The following MYCBP2 variants were observed in gnomAD, a reference collection of about 807,000 sequenced individuals.
MYCBP2 encodes E3 ubiquitin-protein ligase MYCBP2.
In MYCBP2, 120 loss-of-function variants were observed where a neutral mutation model predicts 525.3. That is an observed-to-expected ratio of 0.23 (90% CI 0.20 to 0.27). The LOEUF (loss-of-function observed/expected upper bound fraction) is 0.27, where lower values mean the gene tolerates loss of function less well. MYCBP2 is among the 10% of genes least tolerant of loss of function. The pLI, the probability that MYCBP2 is intolerant of heterozygous loss-of-function variation, is 1.00. For missense variants in MYCBP2, 4,149 were observed against 5,657.1 expected (o/e 0.73, Z 8.55); for synonymous variants, 1,894 against 1,955.8 (o/e 0.97, Z 0.83).
rs971612025 is a variant in MYCBP2 at position 77,217,979 on chromosome 13, T to C, written c.2940-22A>G. On this transcript the variant is annotated intron_variant, in intron 20 of 82. Transcript: ENST00000544440. ...TCCCCTAGGTTAAAAAAAAAAAAAG[T>C]AAGTCAATTTCTTACAAAACTCAAC... 1.7e-5 allele frequency: 23 copies of C among 1,336,526 alleles called. No homozygotes were observed. The East Asian group carries it at 5.2e-4, about 30-fold the overall frequency. 82.8% of individuals were successfully genotyped at this position (1,336,526 alleles called of 1,614,324 possible). A position where few individuals can be genotyped will look rare whatever the true frequency, so the allele number is the denominator to read the frequency against.
intron 56 of MYCBP2, among the ~76,000 whole-genome samples, chr13:77,097,051 G>C (rs910294970): frequency 6.6e-6 from 1 of 152,176 alleles, no homozygotes; most frequent in African/African-American, 2.4e-5. Flanking sequence ...AATCAAAGGA[G>C]ATGCCCTGTG....
intron 32 of MYCBP2, among the ~76,000 whole-genome samples, chr13:77,184,578 T>C (rs1201494288): frequency 6.6e-6 from 1 of 152,258 alleles, no homozygotes; most frequent in Non-Finnish European, 1.5e-5. Flanking sequence ...TATTAATTAC[T>C]GAAAGAGGAG....
intron 37 of MYCBP2, 147 bp from the exon 38 acceptor site, chr13:77,171,781 G>C (rs2059165551): frequency 1.4e-6 from 1 of 690,184 alleles, no homozygotes; most frequent in Admixed American, 2.9e-5. Context: ...ACAATAATAG[G>C]GAATGATAAG....
chr13:77,287,312 G>T (rs2076974031), intron 3 of MYCBP2, among the ~76,000 whole-genome samples: 2 of 151,862 alleles, frequency 1.3e-5, no homozygotes, highest in Admixed American at 1.3e-4. Context: ...CAGCCTCTGA[G>T]TAGCTGGGAT....
intron 76 of MYCBP2, among the ~76,000 whole-genome samples, chr13:77,060,059 A>C (rs1217333436): frequency 3.9e-5 from 6 of 152,210 alleles, no homozygotes; most frequent in Non-Finnish European, 8.8e-5. Flanking sequence ...TCATCAGAGT[A>C]TGAAACTTGA....
At chr13:77,127,392 AAAT>A (rs1207443459) in intron 52 of MYCBP2, among the ~76,000 whole-genome samples, 1 of 151,972 alleles carries the variant, frequency 6.6e-6, no homozygotes, top group African/African-American at 2.4e-5. Flanking sequence ...TAATAAAGAG[AAAT>A]AATAACCTTT....
chr13:77,141,817 T>C lies in MYCBP2; in HGVS notation c.7304-874A>G, dbSNP rs564484118. 1.1e-4 allele frequency among the ~76,000 whole-genome samples: 17 copies of C among 151,346 alleles called. 1 individual carries two copies. Among genetic ancestry groups the C allele is most frequent in the African/African-American group, 3.6e-4 (15 of 41,224 alleles). On this transcript the variant is annotated intron_variant, in intron 49 of 82. Transcript: ENST00000544440. Reference sequence around the variant, plus strand: ...TACATAGAGAAAATTTAGATATATATTAAATGCACAATAAATGCTAGCTAT... The same window carrying C: ...TACATAGAGAAAATTTAGATATATACTAAATGCACAATAAATGCTAGCTAT...
rs1566848355 is a variant in MYCBP2 at position 77,185,187 on chromosome 13, A to G, written c.4635T>C (p.Thr1545=). 2.5e-6 allele frequency: 4 copies of G among 1,614,150 alleles called. No individual in the cohort carries two copies. The highest frequency in any genetic ancestry group is 2.2e-5 in the East Asian group (1 of 44,868). The change falls in exon 32 of 83, where the codon ACT becomes ACC. Residue 1545 remains threonine, a synonymous_variant. Transcript: ENST00000544440. ...LEAVLQECHN[T]FTACFHSFYP... ...AGAAAGAATGAAAGCAGGCAGTGAA[A>G]GTATTATGACATTCCTGAAGGACAG...
intron 1 of MYCBP2, among the ~76,000 whole-genome samples, chr13:77,304,986 T>C (rs1032323924): frequency 1.6e-4 from 24 of 152,078 alleles, no homozygotes; most frequent in African/African-American, 5.3e-4. Flanking sequence ...GTCTTCTATA[T>C]ATTGAAAAAA....
intron 59 of MYCBP2, 85 bp downstream of exon 59, chr13:77,093,080 G>T: frequency 1.5e-6 from 2 of 1,335,016 alleles, no homozygotes; most frequent in Non-Finnish European, 2.0e-6. Flanking sequence ...ATGTATTAAA[G>T]AACTTCTACA....
At chr13:77,214,450 T>TA (rs112804113) in intron 21 of MYCBP2, among the ~76,000 whole-genome samples, 82 of 145,306 alleles carry the variant, frequency 5.6e-4, no homozygotes, top group African/African-American at 9.9e-4. Context: ...TACATGGAGG[T>TA]AAAAAAAAAA....
chr13:77,300,775 C>G (rs1488879813), intron 1 of MYCBP2, among the ~76,000 whole-genome samples: 1 of 152,158 alleles, frequency 6.6e-6, no homozygotes, highest in Non-Finnish European at 1.5e-5. Context: ...AGGAGGCAGG[C>G]CAATGCGCCT....
At chr13:77,108,804 C>T (rs889146185) in intron 55 of MYCBP2, among the ~76,000 whole-genome samples, 2 of 151,678 alleles carry the variant, frequency 1.3e-5, no homozygotes, top group African/African-American at 4.8e-5. Context: ...CCCAGGTTTA[C>T]ACCATTCTCC....
intron 55 of MYCBP2, among the ~76,000 whole-genome samples, chr13:77,104,733 C>A (rs910244948): frequency 1.3e-5 from 2 of 152,040 alleles, no homozygotes; most frequent in African/African-American, 4.8e-5. Context: ...TTAGAACCGA[C>A]AACTGAATTT....
In MYCBP2 at chr13:77,099,256, T is replaced by A. The variant is rs1413802793; in HGVS notation, c.8141-243A>T. The A allele has an allele frequency of 9.6e-6, 5 of 518,702 alleles. No individual in the cohort carries two copies. The Admixed American group carries it at 1.1e-4, about 11-fold the overall frequency. 32.1% of individuals were successfully genotyped at this position (518,702 alleles called of 1,614,324 possible). On this transcript the variant is annotated intron_variant, in intron 55 of 82. Transcript: ENST00000544440. ...GACGCAAAACAACAGGTTGAACAAATCCAGTGTGAACTATCAGTGATATCT... is the reference window on the plus strand; with the variant it reads ...GACGCAAAACAACAGGTTGAACAAAACCAGTGTGAACTATCAGTGATATCT...
chr13:77,257,631 A>T lies in MYCBP2; in HGVS notation c.2176+40T>A, dbSNP rs779748209. ...ATGTTGTTCTGAAAAACTAATGAAAAGACAACACAAATTTTAATATCTAAG... is the reference window on the plus strand; with the variant it reads ...ATGTTGTTCTGAAAAACTAATGAAATGACAACACAAATTTTAATATCTAAG... On this transcript the variant is annotated intron_variant, in intron 14 of 82. Coordinates refer to ENST00000544440, the MANE Select transcript of MYCBP2 (RefSeq NM_015057.5). 3 of 1,494,684 alleles carry T rather than the reference A, an allele frequency of 2.0e-6. No homozygotes were observed. In the South Asian group the frequency reaches 4.4e-5, roughly 22 times the overall value. 92.6% of individuals were successfully genotyped at this position (1,494,684 alleles called of 1,614,324 possible).
chr13:77,120,852 A>G (rs905734036), intron 55 of MYCBP2, among the ~76,000 whole-genome samples: 4 of 152,200 alleles, frequency 2.6e-5, no homozygotes, highest in Non-Finnish European at 5.9e-5. Flanking sequence ...GTTTTATTAT[A>G]GATATTAAAA....
chr13:77,217,453 A>T (rs1440040488), intron 21 of MYCBP2, among the ~76,000 whole-genome samples: 1 of 152,212 alleles, frequency 6.6e-6, no homozygotes, highest in Non-Finnish European at 1.5e-5. Flanking sequence ...CAAATAAAAA[A>T]AACTAGGCTT....
chr13:77,209,800 A>T (rs2063761335), intron 23 of MYCBP2, among the ~76,000 whole-genome samples: 1 of 152,198 alleles, frequency 6.6e-6, no homozygotes. Flanking sequence ...GCAACCTGGG[A>T]AGTGCAGCAG....
Sources: allele counts gnomAD v4.1 joint callset (sites outside exome capture counted in the v4.1 genomes callset), GRCh38; gene constraint gnomAD v4.1.1; transcripts MANE v1.5; gene names NCBI Gene and HGNC (gene_info 2026-07-23, HGNC 2026-07-21).